The following EXT1 variants were observed in gnomAD, a reference collection of about 807,000 sequenced individuals.
EXT1 encodes exostosin glycosyltransferase 1.
EXT1 carries 20 observed loss-of-function variants against 82.5 expected under a neutral mutation model. The ratio of observed to expected loss-of-function variants is 0.24; its 90% CI spans 0.17 to 0.35. The LOEUF (loss-of-function observed/expected upper bound fraction) is 0.35. Among genes scored for constraint, EXT1 ranks in the 10% least tolerant of loss-of-function variants. The pLI is 1.00. For synonymous variants in EXT1, 348 were observed against 350.8 expected (o/e 0.99, Z 0.09); for missense variants, 757 against 936.5 (o/e 0.81, Z 2.50).
chr8:118,049,304 A>C (rs1164914638), intron 1 of EXT1, among the ~76,000 whole-genome samples: 1 of 152,252 alleles, frequency 6.6e-6, no homozygotes, highest in East Asian at 1.9e-4. Context: ...CAGTTTACTT[A>C]GCTGTGCTAC....
chr8:117,855,132 T>C (rs1042649055), intron 1 of EXT1, among the ~76,000 whole-genome samples: 2 of 152,250 alleles, frequency 1.3e-5, no homozygotes, highest in African/African-American at 4.8e-5. Flanking sequence ...ACTGCTTTGA[T>C]AGGATGCTAA....
In EXT1 at chr8:117,799,876, C is replaced by T. The variant is rs1326876362; in HGVS notation, c.2077G>A (p.Ala693Thr). 1.9e-6 allele frequency: 3 copies of T among 1,614,030 alleles called. No individual in the cohort carries two copies. The highest frequency in any genetic ancestry group is 2.5e-6 in the Non-Finnish European group (3 of 1,180,026). ...CGCTGGGCAAAGTGGTCAGGGTCAGCCCAACGGGAAGCCCGAGAAGTCTAG... is the reference window on the plus strand; with the variant it reads ...CGCTGGGCAAAGTGGTCAGGGTCAGTCCAACGGGAAGCCCGAGAAGTCTAG... Reference protein sequence around the residue: ...MGQTSRASRWADPDHFAQRQS... With the variant: ...MGQTSRASRWTDPDHFAQRQS... The change falls in exon 11 of 11, where the codon GCT becomes ACT. Residue 693 changes from alanine to threonine, a missense_variant. Transcript: ENST00000378204.
chr8:117,923,594 C>T (rs1419642300), intron 1 of EXT1, among the ~76,000 whole-genome samples: 1 of 151,000 alleles, frequency 6.6e-6, no homozygotes, highest in Non-Finnish European at 1.5e-5. Flanking sequence ...GGCATGGTGG[C>T]GGTTGCCTGT....
chr8:118,110,404 T>A lies in EXT1; in HGVS notation c.643A>T (p.Met215Leu), dbSNP rs750877327. 2.5e-6 allele frequency: 4 copies of A among 1,614,032 alleles called. No homozygotes were observed. The highest frequency in any genetic ancestry group is 3.4e-6 in the Non-Finnish European group (4 of 1,180,042). The change falls in exon 1 of 11, where the codon ATG becomes TTG. Residue 215 changes from methionine to leucine, a missense_variant. Physicochemically the swap from Met to Leu is conservative, Grantham distance 15. Coordinates refer to ENST00000378204, the MANE Select transcript of EXT1 (RefSeq NM_000127.3). The part of the protein sequence containing the change: ...EDVGFDIGQA[M>L]LAKASISTEN... The stretch of plus-strand genomic sequence containing the variant: ...GTACTGATGCTGGCTTTGGCCAGCA[T>A]CGCCTGGCCGATGTCAAACCCCACG...
intron 1 of EXT1, among the ~76,000 whole-genome samples, chr8:117,845,107 T>A (rs1812331986): frequency 6.6e-6 from 1 of 152,182 alleles, no homozygotes; most frequent in South Asian, 2.1e-4. Context: ...AGTCTCCTTT[T>A]CATGTCCTCT....
intron 1 of EXT1, among the ~76,000 whole-genome samples, chr8:117,957,398 A>AT (rs1814609113): frequency 6.6e-6 from 1 of 152,236 alleles, no homozygotes; most frequent in Non-Finnish European, 1.5e-5. Flanking sequence ...TAAGCATCCA[A>AT]TAACTCCCTG....
chr8:117,905,504 C>T (rs761441396), intron 1 of EXT1, among the ~76,000 whole-genome samples: 16 of 152,002 alleles, frequency 1.1e-4, no homozygotes, highest in Non-Finnish European at 1.9e-4. Context: ...GGTGACAGAG[C>T]GAGACTGTCT....
chr8:117,936,390 T>G (rs1384806925), intron 1 of EXT1, among the ~76,000 whole-genome samples: 1 of 152,158 alleles, frequency 6.6e-6, no homozygotes, highest in African/African-American at 2.4e-5. Flanking sequence ...GCAGCTGCCA[T>G]TTTTACTTGT....
At chr8:118,071,329 T>C (rs1442187767) in intron 1 of EXT1, among the ~76,000 whole-genome samples, 1 of 152,190 alleles carries the variant, frequency 6.6e-6, no homozygotes, top group Non-Finnish European at 1.5e-5. Flanking sequence ...TAATATGGGA[T>C]AAAATTACAT....
chr8:117,806,563 C>T (rs1233506836), intron 9 of EXT1, among the ~76,000 whole-genome samples: 1 of 152,196 alleles, frequency 6.6e-6, no homozygotes, highest in African/African-American at 2.4e-5. Context: ...GTGGTCTCCT[C>T]GATGGTTCTC....
chr8:118,010,426 CCCA>C (rs1815875143), intron 1 of EXT1, among the ~76,000 whole-genome samples: 1 of 151,776 alleles, frequency 6.6e-6, no homozygotes, highest in Non-Finnish European at 1.5e-5. Flanking sequence ...ACTTTCACCC[CCCA>C]CCTCTATTTC....
intron 1 of EXT1, among the ~76,000 whole-genome samples, chr8:118,064,154 G>A (rs778750109): frequency 7.9e-5 from 12 of 152,034 alleles, no homozygotes; most frequent in Non-Finnish European, 1.0e-4. Flanking sequence ...GTGAGCCACC[G>A]CGTCAAGTCG....
intron 1 of EXT1, among the ~76,000 whole-genome samples, chr8:118,030,012 T>C: frequency 6.6e-6 from 1 of 152,198 alleles, no homozygotes; most frequent in Admixed American, 6.5e-5. Context: ...TGCCAAAACT[T>C]GAGAATGATA....
At chr8:118,034,988 A>T (rs549526603) in intron 1 of EXT1, among the ~76,000 whole-genome samples, 7 of 152,354 alleles carry the variant, frequency 4.6e-5, no homozygotes, top group African/African-American at 1.7e-4. Flanking sequence ...ATTAGAAATT[A>T]AAAACTGCAC....
intron 1 of EXT1, among the ~76,000 whole-genome samples, chr8:118,087,698 AAAGAT>A (rs760379199): frequency 1.3e-5 from 2 of 152,180 alleles, no homozygotes; most frequent in South Asian, 2.1e-4. Context: ...TTTTTTAATA[AAAGAT>A]AAGTTTGATT....
intron 8 of EXT1, among the ~76,000 whole-genome samples, chr8:117,807,856 G>T (rs1823261833): frequency 6.6e-6 from 1 of 151,628 alleles, no homozygotes; most frequent in Non-Finnish European, 1.5e-5. Context: ...AAGAGTAAGA[G>T]AAATAACTTT....
At chr8:117,972,010 C>T (rs968348858) in intron 1 of EXT1, among the ~76,000 whole-genome samples, 2 of 151,924 alleles carry the variant, frequency 1.3e-5, no homozygotes, top group South Asian at 2.1e-4. Flanking sequence ...ATTAGCCGAG[C>T]GTGGTGGCGC....
intron 1 of EXT1, among the ~76,000 whole-genome samples, chr8:117,866,326 G>C (rs775980819): frequency 1.4e-4 from 21 of 152,180 alleles, no homozygotes; most frequent in Non-Finnish European, 1.5e-4. Context: ...AGAGATAACT[G>C]ATAAAAACTG....
intron 1 of EXT1, among the ~76,000 whole-genome samples, chr8:118,032,636 G>C (rs1563635076): frequency 6.6e-6 from 1 of 151,338 alleles, no homozygotes; most frequent in African/African-American, 2.4e-5. Flanking sequence ...TCAGCCTCCT[G>C]AGTAGCTGGG....
Sources: allele counts gnomAD v4.1 joint callset (sites outside exome capture counted in the v4.1 genomes callset), GRCh38; gene constraint gnomAD v4.1.1; transcripts MANE v1.5; gene names NCBI Gene and HGNC (gene_info 2026-07-23, HGNC 2026-07-21).